The following YLPM1 variants were observed in gnomAD, a reference collection of about 807,000 sequenced individuals.
YLPM1 encodes the protein YLP motif containing 1.
A neutral mutation model predicts 230.0 loss-of-function variants in YLPM1; 99 were observed. That is an observed-to-expected ratio of 0.43 (90% CI 0.37 to 0.51). YLPM1 has a LOEUF of 0.51. Ranked by LOEUF, YLPM1 falls within the 20% of genes least tolerant of loss-of-function variation. The pLI is 0.00. For missense variants in YLPM1, 2,592 were observed against 2,707.7 expected (o/e 0.96, Z 0.95); for synonymous variants, 984 against 942.5 (o/e 1.04, Z -0.81).
chr14:74,790,699 A>C, intron 4 of YLPM1, among the ~76,000 whole-genome samples: 1 of 152,104 alleles, frequency 6.6e-6, no homozygotes, highest in Admixed American at 6.5e-5. Flanking sequence ...GGTACAATGC[A>C]TGCGTTTTTA....
Position 74,781,743 on chromosome 14 carries a change from C to T in YLPM1, c.1700C>T (p.Pro567Leu). ...PPGMPPPVMP[P>L]SLPTSVPPPG... ...GGCATGCCCCCACCTGTTATGCCAC[C>T]TTCTCTACCAACCTCTGTTCCCCCA... The change falls in exon 4 of 21, where the codon CCT becomes CTT. Residue 567 changes from proline to leucine, a missense_variant. Physicochemically the swap from Pro to Leu is moderately conservative, Grantham distance 98. This residue lies in a region of YLPM1 where 1,862 missense variants were observed against 1,819.8 expected (regional missense o/e 1.02). Coordinates refer to ENST00000325680, the MANE Select transcript of YLPM1 (RefSeq NM_019589.3). The T allele has an allele frequency of 6.2e-7, 1 of 1,612,836 alleles. No individual in the cohort carries two copies. The highest frequency in any genetic ancestry group is 1.1e-5 in the South Asian group (1 of 90,968).
rs1189337276 is a variant in YLPM1 at position 74,824,257 on chromosome 14, G to A, written c.6113G>A (p.Gly2038Asp). Residue 2038 changes from glycine (G) to aspartate (D), a missense_variant and splice_region_variant, in exon 18 of 21, where the codon GGT (glycine) becomes GAT (aspartate). Coordinates refer to ENST00000325680, the MANE Select transcript of YLPM1 (RefSeq NM_019589.3). ...KDAEEEESELGYIPKSKWEMD... is the reference protein window; with the variant it reads ...KDAEEEESELDYIPKSKWEMD... ...AGCTTCTCTCTGTGTACGATTTAGG[G>A]TTACATTCCGAAAAGCAAATGGGAG... 1 of 1,611,946 alleles carries A rather than the reference G, an allele frequency of 6.2e-7. No individual in the cohort carries two copies. The highest frequency in any genetic ancestry group is 8.5e-7 in the Non-Finnish European group (1 of 1,178,728).
intron 4 of YLPM1, among the ~76,000 whole-genome samples, chr14:74,792,208 T>G (rs1455988309): frequency 6.6e-6 from 1 of 152,118 alleles, no homozygotes; most frequent in African/African-American, 2.4e-5. Context: ...GGTCACCTTC[T>G]TTCGCCTTTG....
intron 16 of YLPM1, among the ~76,000 whole-genome samples, chr14:74,820,245 T>TC (rs1335073495): frequency 6.6e-6 from 1 of 152,022 alleles, no homozygotes; most frequent in Non-Finnish European, 1.5e-5. Flanking sequence ...CTGGGAGTTA[T>TC]CCCTGACTCT....
At chr14:74,816,887 T>C (rs2091482360) in intron 13 of YLPM1, 44 bp from the exon 14 acceptor site, 1 of 1,518,374 alleles carries the variant, frequency 6.6e-7, no homozygotes. Flanking sequence ...TTTTGGATGA[T>C]TCTTTGCTTT....
At chr14:74,822,459 C>T (rs2091529512) in intron 17 of YLPM1, among the ~76,000 whole-genome samples, 1 of 152,094 alleles carries the variant, frequency 6.6e-6, no homozygotes, top group Non-Finnish European at 1.5e-5. Context: ...ATTTTTACAT[C>T]AGAGTCATGG....
intron 1 of YLPM1, among the ~76,000 whole-genome samples, chr14:74,776,071 T>C (rs1387371198): frequency 1.3e-5 from 2 of 152,216 alleles, no homozygotes; most frequent in African/African-American, 2.4e-5. Flanking sequence ...TTGGTTTTCT[T>C]TATGCAACCT....
At chr14:74,834,085 A>G (rs370732554) in intron 19 of YLPM1, among the ~76,000 whole-genome samples, 90 of 152,000 alleles carry the variant, frequency 5.9e-4, no homozygotes, top group African/African-American at 2.1e-3. Context: ...ATGGTGGCTC[A>G]TGCTTGTAAT....
chr14:74,820,501 A>G (rs189736336), intron 16 of YLPM1, among the ~76,000 whole-genome samples: 2 of 152,044 alleles, frequency 1.3e-5, no homozygotes, highest in Non-Finnish European at 2.9e-5. Flanking sequence ...TCCTGCCCCA[A>G]CCTCACAAAG....
intron 19 of YLPM1, among the ~76,000 whole-genome samples, chr14:74,833,380 C>T (rs951099297): frequency 2.0e-5 from 3 of 152,068 alleles, no homozygotes; most frequent in African/African-American, 7.2e-5. Context: ...TCCCTAGTAG[C>T]TAGGATTTCA....
chr14:74,772,424 T>C (rs2090986977), intron 1 of YLPM1, among the ~76,000 whole-genome samples: 1 of 151,384 alleles, frequency 6.6e-6, no homozygotes, highest in Admixed American at 6.6e-5. Flanking sequence ...GGCGCGAGGA[T>C]CTGGGCTCAC....
At chr14:74,827,606 G>A in intron 18 of YLPM1, 3 of 985,390 alleles carry the variant, frequency 3.0e-6, no homozygotes, top group Non-Finnish European at 3.6e-6. Flanking sequence ...GCTGTGCTCT[G>A]TTGTTGGAAC....
At chr14:74,805,272 C>A (rs2091365972) in intron 6 of YLPM1, among the ~76,000 whole-genome samples, 1 of 151,968 alleles carries the variant, frequency 6.6e-6, no homozygotes, top group Non-Finnish European at 1.5e-5. Flanking sequence ...CCACCTGCCT[C>A]AGCCTCCGAA....
chr14:74,779,641 C>CTTTTT, intron 2 of YLPM1, among the ~76,000 whole-genome samples: 1 of 140,388 alleles, frequency 7.1e-6, no homozygotes, highest in Non-Finnish European at 1.5e-5. Flanking sequence ...TTAAGGTTCA[C>CTTTTT]TTTTTTTTTT....
At position 74,772,354 on chromosome 14, in the gene YLPM1, T is replaced by G. The variant is rs2090985792; in HGVS notation, c.874-6093T>G. On this transcript the variant is annotated intron_variant, in intron 1 of 20. Coordinates refer to ENST00000325680, the MANE Select transcript of YLPM1 (RefSeq NM_019589.3). Reference sequence around the variant, plus strand: ...GTATTTGTGACAAATAGTTCTATATTCTTAATTTTTTTTTTTTTTTTGAGA... The same window carrying G: ...GTATTTGTGACAAATAGTTCTATATGCTTAATTTTTTTTTTTTTTTTGAGA... 2.0e-5 allele frequency among the ~76,000 whole-genome samples: 3 copies of G among 151,594 alleles called. No homozygotes were observed. In the South Asian group the frequency reaches 6.3e-4, roughly 32 times the overall value.
intron 19 of YLPM1, among the ~76,000 whole-genome samples, chr14:74,832,770 G>A (rs2091617121): frequency 6.6e-6 from 1 of 152,180 alleles, no homozygotes; most frequent in Non-Finnish European, 1.5e-5. Context: ...ACTGTGCCTG[G>A]CCTAATTCCA....
intron 4 of YLPM1, among the ~76,000 whole-genome samples, chr14:74,789,517 TG>T (rs973573264): frequency 6.6e-6 from 1 of 151,910 alleles, no homozygotes; most frequent in African/African-American, 2.4e-5. Flanking sequence ...ATCCCTGGCC[TG>T]GCAAGCTTTT....
Position 74,778,752 on chromosome 14 carries a change from T to C in YLPM1, c.1110+69T>C, listed in dbSNP as rs2091066165. On this transcript the variant is annotated intron_variant, in intron 2 of 20. Coordinates refer to ENST00000325680, the MANE Select transcript of YLPM1 (RefSeq NM_019589.3). ...TTTTTTCTGATTCATTTAGTATACT[T>C]TTATCATAAATGGATATATATTTTT... 1.4e-5 allele frequency: 19 copies of C among 1,383,966 alleles called. No individual in the cohort carries two copies. The South Asian group carries it at 2.6e-4, about 19-fold the overall frequency. 85.7% of individuals were successfully genotyped at this position (1,383,966 alleles called of 1,614,324 possible).
chr14:74,768,546 C>T (rs1277827899), intron 1 of YLPM1, among the ~76,000 whole-genome samples: 2 of 152,092 alleles, frequency 1.3e-5, no homozygotes, highest in Non-Finnish European at 1.5e-5. Flanking sequence ...TGCGCCCGGT[C>T]GGAATGTGTC....
Sources: allele counts gnomAD v4.1 joint callset (sites outside exome capture counted in the v4.1 genomes callset), GRCh38; gene constraint gnomAD v4.1.1; regional missense constraint gnomAD v4.1.1; transcripts MANE v1.5; gene names NCBI Gene and HGNC (gene_info 2026-07-23, HGNC 2026-07-21).